The following KMT2D variants were observed in gnomAD, a reference collection of about 807,000 sequenced individuals.
The protein encoded by KMT2D is histone-lysine N-methyltransferase 2D.
A neutral mutation model predicts 512.7 loss-of-function variants in KMT2D; 55 were observed. The ratio of observed to expected loss-of-function variants is 0.11; its 90% CI spans 0.09 to 0.13. KMT2D has a LOEUF of 0.13. Among genes scored for constraint, KMT2D ranks in the 10% least tolerant of loss-of-function variants. KMT2D has a pLI of 1.00. For missense variants in KMT2D, 6,061 were observed against 7,127.9 expected, an observed-to-expected ratio of 0.85 and a Z score of 5.39; for synonymous variants, 2,995 against 2,904.0, an observed-to-expected ratio of 1.03 and a Z score of -1.01.
chr12:49,033,028 G>A lies in KMT2D; in HGVS notation c.11677C>T (p.Pro3893Ser), dbSNP rs2120437966. Residue 3893 changes from proline to serine, a missense_variant, in exon 40 of 55, where the codon CCC becomes TCC. Coordinates refer to ENST00000301067, the MANE Select transcript of KMT2D (RefSeq NM_003482.4). ...TGAAGCTGCTGTAAAGAGCCCATGGGCTGAGCGCTCAGTTTGGGCTGCCCA... is the reference window on the plus strand; with the variant it reads ...TGAAGCTGCTGTAAAGAGCCCATGGACTGAGCGCTCAGTTTGGGCTGCCCA... ...HSGQPKLSAQPMGSLQQLQQQ... is the reference protein window; with the variant it reads ...HSGQPKLSAQSMGSLQQLQQQ... The A allele has an allele frequency of 6.4e-7, 1 of 1,551,586 alleles. No individual in the cohort carries two copies. Among genetic ancestry groups the A allele is most frequent in the East Asian group, 2.4e-5 (1 of 40,914 alleles).
rs1177042202 is a variant in KMT2D, at chr12:49,020,374, C to G, written c.*1406G>C. 1 of 177,556 alleles carries G rather than the reference C, an allele frequency of 5.6e-6. No individual in the cohort carries two copies. The highest frequency in any genetic ancestry group is 1.2e-5 in the Non-Finnish European group (1 of 82,696). 11.0% of individuals were successfully genotyped at this position (177,556 alleles called of 1,614,324 possible). On this transcript the variant is annotated 3_prime_UTR_variant, in exon 55 of 55. Transcript: ENST00000301067. ...ACAAGGGGAGCTCCATGTGTCCGCC[C>G]CACACCCCCCTACCATTTATAAACT...
Position 49,030,330 on chromosome 12 carries a change from TC to T in KMT2D, c.13948del (p.Glu4650SerfsTer16). 6.3e-7 allele frequency: 1 copy of T among 1,576,304 alleles called. No homozygotes were observed. The highest frequency in any genetic ancestry group is 8.6e-7 in the Non-Finnish European group (1 of 1,160,448). ...GGCAGAGGCAGCATCCTTGGGGTGC[TC>T]CCCCAGCTCTTCAGATGGGGTGACG... ...NGVTPSEELG[E>X]HPKDAASARD... On this transcript the variant is annotated frameshift_variant, in exon 43 of 55. Coordinates refer to ENST00000301067, the MANE Select transcript of KMT2D (RefSeq NM_003482.4). LOFTEE classifies it high-confidence loss of function.
Position 49,020,052 on chromosome 12 carries a change from G to A in KMT2D, c.*1728C>T, listed in dbSNP as rs1429830144. The A allele has an allele frequency of 9.9e-6, 2 of 201,776 alleles. No homozygotes were observed. Among genetic ancestry groups the A allele is most frequent in the East Asian group, 1.5e-4 (2 of 13,560 alleles). 12.5% of individuals were successfully genotyped at this position (201,776 alleles called of 1,614,324 possible). A position where few individuals can be genotyped will look rare whatever the true frequency, so the allele number is the denominator to read the frequency against. On this transcript the variant is annotated 3_prime_UTR_variant, in exon 55 of 55. Transcript: ENST00000301067. ...TTCATCCCCACGGTTCCCTACCAGA[G>A]AGGGGTTTGGGGCCTCACCCACCCC...
intron 35 of KMT2D, chr12:49,036,165 GCCC>G (rs1943204512): frequency 6.6e-6 from 1 of 152,008 alleles, no homozygotes; most frequent in Admixed American, 6.6e-5. Flanking sequence ...TTTCAATCTG[GCCC>G]CCATCTTATC....
rs2120678960 is a variant in KMT2D at position 49,051,926 on chromosome 12, T to A, written c.1757A>T (p.Glu586Val). Residue 586 changes from glutamate (E) to valine (V), a missense_variant, in exon 11 of 55, where the codon GAA becomes GTA. Coordinates refer to ENST00000301067, the MANE Select transcript of KMT2D (RefSeq NM_003482.4). ...CGGTGGTGGAGACATGGGTGACTCT[T>A]CAGGTGGAGGGGACATGGGTGACTC... ...PEESPMSPPP[E>V]ESPMSPPPEA... 6.2e-7 allele frequency: 1 copy of A among 1,612,630 alleles called. No homozygotes were observed. Among genetic ancestry groups the A allele is most frequent in the Non-Finnish European group, 8.5e-7 (1 of 1,179,574 alleles).
rs747698407 is a variant in KMT2D, at chr12:49,054,177, C to G, written c.511-37G>C. On this transcript the variant is annotated intron_variant, in intron 5 of 54. Transcript: ENST00000301067. This position sits in a 1 kb window ranked among gnomAD's most constrained non-coding sequence, Gnocchi z 6.4. ...AAAAAAGAGCCTCAGTGTCAGCCAG[C>G]TCTCCCCAGACAAACAGTTCAGGCA... The G allele has an allele frequency of 1.9e-6, 3 of 1,557,024 alleles. No homozygotes were observed. Among genetic ancestry groups the G allele is most frequent in the Admixed American group, 3.9e-5 (2 of 51,860 alleles).
Position 49,033,881 on chromosome 12 carries a change from TTGC to T in KMT2D, c.10821_10823del (p.Gln3612del), listed in dbSNP as rs747016071. ...GCACAGCTGAGTGCTGTTGCTGTTG[TTGC>T]TGCTGCTGCTGCTGTTGTTGCTGCT... On this transcript the variant is annotated inframe_deletion, in exon 40 of 55. Coordinates refer to ENST00000301067, the MANE Select transcript of KMT2D (RefSeq NM_003482.4). 5.3e-5 allele frequency: 82 copies of T among 1,534,082 alleles called. No individual in the cohort carries two copies. The highest frequency in any genetic ancestry group is 1.7e-4 in the Middle Eastern group (1 of 5,908).
rs772208418 is a variant in KMT2D, at chr12:49,038,548, G to A, written c.8808C>T (p.Ala2936=). 6.2e-7 allele frequency: 1 copy of A among 1,612,014 alleles called. No homozygotes were observed. Among genetic ancestry groups the A allele is most frequent in the Non-Finnish European group, 8.5e-7 (1 of 1,178,574 alleles). Residue 2936 remains alanine (A), a synonymous_variant, in exon 35 of 55, where the codon GCC becomes GCT. Transcript: ENST00000301067. The surrounding 1 kb of genome is among the most constrained non-coding windows in gnomAD (Gnocchi z 5.7). ...VSGLPPQKPS[A]PPAPELNNSL... ...TGTTGTTCAATTCAGGGGCCGGTGG[G>A]GCTGAGGGTTTCTGTGGGGGAAGAC...
At position 49,032,491 on chromosome 12, in the gene KMT2D, C is replaced by A. The variant is rs772102499; in HGVS notation, c.12214G>T (p.Asp4072Tyr). 1 of 1,570,372 alleles carries A rather than the reference C, an allele frequency of 6.4e-7. No individual in the cohort carries two copies. The highest frequency in any genetic ancestry group is 8.6e-7 in the Non-Finnish European group (1 of 1,157,548). Reference protein sequence around the residue: ...PGEVKPSLSGDSQLLLVQPQP... With the variant: ...PGEVKPSLSGYSQLLLVQPQP... ...GGTTGGACAAGCAGGAGTTGTGAGT[C>A]CCCAGAGAGTGAGGGCTTTACCTCT... Residue 4072 changes from aspartate (D) to tyrosine (Y), a missense_variant, in exon 40 of 55, where the codon GAC (aspartate) becomes TAC (tyrosine). Physicochemically the swap from Asp to Tyr is radical, Grantham distance 160 (BLOSUM62 -3). Around this residue, in one of 16 missense-constraint regions of KMT2D, gnomAD observed 1,600 missense variants for 1,754.9 expected, o/e 0.91. Coordinates refer to ENST00000301067, the MANE Select transcript of KMT2D (RefSeq NM_003482.4).
In KMT2D at chr12:49,030,735, TAGC is replaced by T. The variant is rs1388494055; in HGVS notation, c.13702_13704del (p.Ala4568del). 5.0e-6 allele frequency: 8 copies of T among 1,613,538 alleles called. No homozygotes were observed. Among genetic ancestry groups the T allele is most frequent in the Non-Finnish European group, 6.8e-6 (8 of 1,179,884 alleles). ...GCAAAGAGGCTAAAATTGGCGGTGA[TAGC>T]AGGCTCCGTTAGGGGCAGCAGGGAC... On this transcript the variant is annotated inframe_deletion, in exon 42 of 55. Transcript: ENST00000301067.
In KMT2D at chr12:49,051,432, G is replaced by A. The variant is rs1938002991; in HGVS notation, c.2251C>T (p.His751Tyr). Residue 751 changes from histidine (H) to tyrosine (Y), a missense_variant, in exon 11 of 55, where the codon CAC (histidine) becomes TAC (tyrosine). Physicochemically the swap from His to Tyr is moderately conservative, Grantham distance 83 (BLOSUM62 2). Around this residue, in one of 16 missense-constraint regions of KMT2D, gnomAD observed 848 missense variants for 838.5 expected, o/e 1.01. Coordinates refer to ENST00000301067, the MANE Select transcript of KMT2D (RefSeq NM_003482.4). ...PHLSPRPEEP[H>Y]LSPRPEEPHL... ...GGCTCCTCAGGCCGGGGGGACAGGT[G>A]CGGCTCCTCAGGCCGGGGTGACAGG... 8 of 1,609,224 alleles carry A rather than the reference G, an allele frequency of 5.0e-6. No individual in the cohort carries two copies. Among genetic ancestry groups the A allele is most frequent in the Non-Finnish European group, 5.1e-6 (6 of 1,178,994 alleles).
At position 49,026,885 on chromosome 12, in the gene KMT2D, T is replaced by A. The variant is rs768844968; in HGVS notation, c.15081A>T (p.Arg5027=). Reference sequence around the variant, plus strand: ...GACAGAAACAGCAGCGACGCATGTCTCGCGGTACCTTGTCAGGTCGCAAGG... The same window carrying A: ...GACAGAAACAGCAGCGACGCATGTCACGCGGTACCTTGTCAGGTCGCAAGG... ...GTALRPDKVP[R]DMRRCCFCHE... The change falls in exon 49 of 55, where the codon CGA becomes CGT. Residue 5027 remains arginine (R), a synonymous_variant. Transcript: ENST00000301067. This position sits in a 1 kb window ranked among gnomAD's most constrained non-coding sequence, Gnocchi z 9.6. 7 of 1,614,032 alleles carry A rather than the reference T, an allele frequency of 4.3e-6. No individual in the cohort carries two copies. The South Asian group carries it at 7.7e-5, about 18-fold the overall frequency.
rs569222147 is a variant in KMT2D, at chr12:49,020,615, C to G, written c.*1165G>C. 4.9e-6 allele frequency: 1 copy of G among 202,902 alleles called. No homozygotes were observed. The allele number at this position is 202,902 out of a possible 1,614,324, so 12.6% of individuals were successfully genotyped here. ...CGCTGACACTAAGCTCCCCCACCCC[C>G]ACATCACCACCCCTTCCCACCAGAC... On this transcript the variant is annotated 3_prime_UTR_variant, in exon 55 of 55. Transcript: ENST00000301067.
Position 49,050,760 on chromosome 12 carries a change from A to T in KMT2D, c.2828T>A (p.Ile943Asn), listed in dbSNP as rs1565815239. 1 of 1,611,496 alleles carries T rather than the reference A, an allele frequency of 6.2e-7. No individual in the cohort carries two copies. Reference protein sequence around the residue: ...DPLPPPLSPIITAAAPPALSP... With the variant: ...DPLPPPLSPINTAAAPPALSP... ...CAGGGCCGGTGGGGCCGCAGCTGTG[A>T]TGATGGGTGAGAGTGGAGGAGGAAG... Residue 943 changes from isoleucine to asparagine, a missense_variant, in exon 12 of 55, where the codon ATC becomes AAC. Ile to Asn is a moderately radical substitution (Grantham distance 149). Transcript: ENST00000301067.
intron 13 of KMT2D, 121 bp from the exon 14 acceptor site, chr12:49,048,890 G>A (rs942155090): frequency 9.3e-6 from 7 of 749,712 alleles, no homozygotes; most frequent in East Asian, 2.5e-5. Flanking sequence ...CCAAAAGCCA[G>A]GAATAACAGA....
intron 43 of KMT2D, among the ~76,000 whole-genome samples, chr12:49,029,686 T>G (rs558242938): frequency 5.7e-4 from 86 of 151,604 alleles, no homozygotes; most frequent in Non-Finnish European, 8.6e-4. Context: ...TGTTTTTTTT[T>G]TTTTTTTCCC....
In KMT2D at chr12:49,050,131, C is replaced by T. The variant is rs2120646129; in HGVS notation, c.3457G>A (p.Val1153Met). ...GCCAGCTCCTCGGGGTCCAGGAGCA[C>T]AGGGGAGCCTTTAAGTTCACTAGCC... ...SLASELKGSP[V>M]LLDPEELAPV... The change falls in exon 12 of 55, where the codon GTG becomes ATG. Residue 1153 changes from valine (V) to methionine (M), a missense_variant. Val to Met is a conservative substitution (Grantham distance 21). This residue lies in a region of KMT2D where 447 missense variants were observed against 500.1 expected (regional missense o/e 0.89). Transcript: ENST00000301067. 1 of 1,613,456 alleles carries T rather than the reference C, an allele frequency of 6.2e-7. No individual in the cohort carries two copies. Among genetic ancestry groups the T allele is most frequent in the Non-Finnish European group, 8.5e-7 (1 of 1,179,690 alleles).
At position 49,051,397 on chromosome 12, in the gene KMT2D, AGATAGGTGTGGCTCCTCAGGCCGGGGG is replaced by A. The variant is rs1454104166; in HGVS notation, c.2259_2285del (p.Arg755_Pro763del). 6 of 1,494,248 alleles carry A rather than the reference AGATAGGTGTGGCTCCTCAGGCCGGGGG, an allele frequency of 4.0e-6. No individual in the cohort carries two copies. Among genetic ancestry groups the A allele is most frequent in the African/African-American group, 3.9e-5 (2 of 51,878 alleles). 92.6% of individuals were successfully genotyped at this position (1,494,248 alleles called of 1,614,324 possible). ...ACAGGTGTGGCTCCTCAGCCTGCGG[AGATAGGTGTGGCTCCTCAGGCCGGGGG>A]GACAGGTGCGGCTCCTCAGGCCGGG... On this transcript the variant is annotated inframe_deletion, in exon 11 of 55. Transcript: ENST00000301067.
In KMT2D at chr12:49,046,260, C is replaced by T. The variant is rs1196280684; in HGVS notation, c.4583G>A (p.Arg1528Gln). Residue 1528 changes from arginine (R) to glutamine (Q), a missense_variant and splice_region_variant, in exon 17 of 55, where the codon CGG becomes CAG. Physicochemically the swap from Arg to Gln is conservative, Grantham distance 43. This residue lies in a region of KMT2D where 640 missense variants were observed against 814.3 expected (regional missense o/e 0.79). Transcript: ENST00000301067. This position sits in a 1 kb window ranked among gnomAD's most constrained non-coding sequence, Gnocchi z 4.2. ...AGTGAGGAGAAAGGGATGTTCTCAC[C>T]GTTCACAGTGGCGGCACTGGATTAG... ...DLLIQCRHCE[R>Q]WMHAGCESLF... 1.9e-6 allele frequency: 3 copies of T among 1,613,832 alleles called. No individual in the cohort carries two copies. Among genetic ancestry groups the T allele is most frequent in the East Asian group, 2.2e-5 (1 of 44,902 alleles).
Sources: allele counts gnomAD v4.1 joint callset (sites outside exome capture counted in the v4.1 genomes callset), GRCh38; gene constraint gnomAD v4.1.1; regional missense constraint gnomAD v4.1.1; non-coding constraint Gnocchi (gnomAD v3.1); transcripts MANE v1.5; gene names NCBI Gene and HGNC (gene_info 2026-07-23, HGNC 2026-07-21).